PRKAB1: variants seen among roughly 807,000 people sequenced by gnomAD.
PRKAB1 encodes the protein 5'-AMP-activated protein kinase subunit beta-1.
PRKAB1 carries 18 observed loss-of-function variants against 32.0 expected under a neutral mutation model. The observed-to-expected ratio is 0.56, with a 90% CI of 0.39 to 0.83. The LOEUF (loss-of-function observed/expected upper bound fraction) is 0.83, where lower values mean the gene tolerates loss of function less well. PRKAB1 is among the 40% of genes least tolerant of loss of function. The pLI, the probability that PRKAB1 is intolerant of heterozygous loss-of-function variation, is 0.00. For missense variants in PRKAB1, 263 were observed against 352.6 expected, an observed-to-expected ratio of 0.75 and a Z score of 2.03; for synonymous variants, 141 against 141.4, an observed-to-expected ratio of 1.00 and a Z score of 0.02.
chr12:119,675,652 C>A (rs1170940757), intron 4 of PRKAB1, among the ~76,000 whole-genome samples: 1 of 152,214 alleles, frequency 6.6e-6, no homozygotes, highest in Non-Finnish European at 1.5e-5. Context: ...CTTACTTCCT[C>A]AAAATGTTAT....
Position 119,674,371 on chromosome 12 carries a change from A to C in PRKAB1, c.449A>C (p.Asn150Thr), listed in dbSNP as rs1353581988. 7 of 1,614,142 alleles carry C rather than the reference A, an allele frequency of 4.3e-6. No homozygotes were observed. Among genetic ancestry groups the C allele is most frequent in the Non-Finnish European group, 8.5e-7 (1 of 1,179,946 alleles). ...PIVTSQLGTVNNIIQVKKTDF... is the reference protein window; with the variant it reads ...PIVTSQLGTVTNIIQVKKTDF... Reference sequence around the variant, plus strand: ...GTAACCAGCCAGCTTGGCACAGTTAACAACATCATTCAAGTGAAGAAAACT... The same window carrying C: ...GTAACCAGCCAGCTTGGCACAGTTACCAACATCATTCAAGTGAAGAAAACT... Residue 150 changes from asparagine to threonine, a missense_variant, in exon 4 of 7, where the codon AAC becomes ACC. Physicochemically the swap from Asn to Thr is moderately conservative, Grantham distance 65. Transcript: ENST00000229328. The surrounding 1 kb of genome is among the most constrained non-coding windows in gnomAD (Gnocchi z 4.3).
At position 119,674,369 on chromosome 12, in the gene PRKAB1, TAAC is replaced by T. The variant is rs776021618; in HGVS notation, c.452_454del (p.Asn151del). On this transcript the variant is annotated inframe_deletion, in exon 4 of 7. Transcript: ENST00000229328. The surrounding 1 kb of genome is among the most constrained non-coding windows in gnomAD (Gnocchi z 4.3). ...TAGTAACCAGCCAGCTTGGCACAGT[TAAC>T]AACATCATTCAAGTGAAGAAAACTG... 1.8e-5 allele frequency: 29 copies of T among 1,614,046 alleles called. No individual in the cohort carries two copies. Among genetic ancestry groups the T allele is most frequent in the Non-Finnish European group, 2.3e-5 (27 of 1,179,988 alleles).
chr12:119,680,220 C>G, intron 6 of PRKAB1, 28 bp from the exon 7 acceptor site: 1 of 1,607,518 alleles, frequency 6.2e-7, no homozygotes, highest in Non-Finnish European at 8.5e-7. Flanking sequence ...TTAGTCCAGC[C>G]TTTGATCATT....
intron 5 of PRKAB1, chr12:119,677,768 T>G (rs1955436037): frequency 6.9e-6 from 1 of 144,678 alleles, no homozygotes; most frequent in African/African-American, 2.6e-5. Context: ...TTTGTTTTTT[T>G]TTTTTTTTTT....
upstream of PRKAB1, chr12:119,668,085 C>G (rs1346338783): frequency 1.1e-6 from 1 of 923,338 alleles, no homozygotes; most frequent in Admixed American, 4.1e-5. Context: ...CCTGCCGACT[C>G]AGCCGGAACC....
At chr12:119,678,309 TCA>T (rs770058275) in intron 5 of PRKAB1, 5 of 152,236 alleles carry the variant, frequency 3.3e-5, no homozygotes, top group Admixed American at 6.5e-5. Flanking sequence ...TATTCAAGCC[TCA>T]CAACAACCAT....
chr12:119,676,726 T>G (rs1662989083), intron 5 of PRKAB1, 56 bp downstream of exon 5: 5 of 1,581,880 alleles, frequency 3.2e-6, no homozygotes, highest in Non-Finnish European at 4.3e-6. Context: ...TCAGTTGCTT[T>G]CTTTCCTGTG....
At chr12:119,673,692 C>T (rs1213877616) in intron 2 of PRKAB1, 1 of 306,150 alleles carries the variant, frequency 3.3e-6, no homozygotes, top group Non-Finnish European at 6.0e-6. Context: ...CGCACAAATG[C>T]CTGACTGTTG....
chr12:119,679,194 G>A lies in PRKAB1; in HGVS notation c.667-739G>A, dbSNP rs914870509. On this transcript the variant is annotated intron_variant, in intron 5 of 6. Transcript: ENST00000229328. The surrounding 1 kb of genome is among the most constrained non-coding windows in gnomAD (Gnocchi z 4.1). The stretch of plus-strand genomic sequence containing the variant: ...CACACAGCAACTGGCTGAGCCAGCA[G>A]TCACATCAGGCTTGGCTGGTGCCAG... 2.0e-5 allele frequency: 3 copies of A among 152,204 alleles called. No homozygotes were observed. Among genetic ancestry groups the A allele is most frequent in the African/African-American group, 7.2e-5 (3 of 41,446 alleles). The allele number at this position is 152,204 out of a possible 1,614,324, so 9.4% of individuals were successfully genotyped here.
intron 5 of PRKAB1, 80 bp downstream of exon 5, chr12:119,676,750 AAGCAGCTGGTG>A: frequency 6.6e-7 from 1 of 1,523,866 alleles, no homozygotes; most frequent in African/African-American, 1.4e-5. Flanking sequence ...ACCTCTTGCA[AAGCAGCTGGTG>A]AGCAAGCTCA....
intron 1 of PRKAB1, chr12:119,670,031 C>G (rs1193624240): frequency 1.3e-5 from 2 of 152,226 alleles, no homozygotes; most frequent in Non-Finnish European, 2.9e-5. Flanking sequence ...CAGGCCAGTG[C>G]AAACATTTTT....
rs1488579157 is a variant in PRKAB1, at chr12:119,674,484, C to T, written c.532+30C>T. The stretch of plus-strand genomic sequence containing the variant: ...GAACACAGTTATTTTATACCACATG[C>T]GTGCAGGTGGGGGCTGTACAGTCTA... On this transcript the variant is annotated intron_variant, in intron 4 of 6. Coordinates refer to ENST00000229328, the MANE Select transcript of PRKAB1 (RefSeq NM_006253.5). This position sits in a 1 kb window ranked among gnomAD's most constrained non-coding sequence, Gnocchi z 4.3. 5.3e-6 allele frequency: 8 copies of T among 1,504,710 alleles called. No homozygotes were observed. The highest frequency in any genetic ancestry group is 2.3e-5 in the South Asian group (2 of 88,288). 93.2% of individuals were successfully genotyped at this position (1,504,710 alleles called of 1,614,324 possible). A position where few individuals can be genotyped will look rare whatever the true frequency, so the allele number is the denominator to read the frequency against.
intron 1 of PRKAB1, among the ~76,000 whole-genome samples, chr12:119,670,660 T>G (rs890478807): frequency 6.6e-6 from 1 of 152,232 alleles, no homozygotes; most frequent in Non-Finnish European, 1.5e-5. Flanking sequence ...CCAGGAAATG[T>G]TGAGCACACA....
chr12:119,668,068 C>G (rs1565874184), upstream of PRKAB1: 5 of 760,442 alleles, frequency 6.6e-6, no homozygotes, highest in Non-Finnish European at 9.7e-6. Flanking sequence ...TGCGAGAGCT[C>G]GGCAACCCTG....
Position 119,680,186 on chromosome 12 carries a change from C to G in PRKAB1, c.736-62C>G. ...GTTTTATGAAGCCCTTAATGATTCT[C>G]ATGTCCTCTGAGGCTTGAGCCCCTT... is the stretch of plus-strand genomic sequence containing the variant. On this transcript the variant is annotated intron_variant, in intron 6 of 6. Transcript: ENST00000229328. 10 of 1,550,440 alleles carry G rather than the reference C, an allele frequency of 6.4e-6. No individual in the cohort carries two copies. The South Asian group carries it at 9.0e-5, about 14-fold the overall frequency.
chr12:119,674,328 G>C lies in PRKAB1; in HGVS notation c.418-12G>C. The C allele has an allele frequency of 6.3e-7, 1 of 1,586,642 alleles. No individual in the cohort carries two copies. Among genetic ancestry groups the C allele is most frequent in the Non-Finnish European group, 8.7e-7 (1 of 1,155,390 alleles). ...TCCACGTTATGATTTCTGCCTATCTGTCTCTTCCCAGCCCATAGTAACCAG... is the reference window on the plus strand; with the variant it reads ...TCCACGTTATGATTTCTGCCTATCTCTCTCTTCCCAGCCCATAGTAACCAG... On this transcript the variant is annotated splice_polypyrimidine_tract_variant and intron_variant, in intron 3 of 6. Transcript: ENST00000229328. The surrounding 1 kb of genome is among the most constrained non-coding windows in gnomAD (Gnocchi z 4.3).
At chr12:119,675,780 GAGCTGGGGCAT>G (rs1955419898) in intron 4 of PRKAB1, among the ~76,000 whole-genome samples, 1 of 152,224 alleles carries the variant, frequency 6.6e-6, no homozygotes, top group African/African-American at 2.4e-5. Flanking sequence ...GGAATTGGCA[GAGCTGGGGCAT>G]AGCAGATTTT....
upstream of PRKAB1, chr12:119,668,038 C>T (rs375269404): frequency 6.8e-5 from 39 of 574,262 alleles, 1 homozygote; most frequent in Admixed American, 1.3e-4. Context: ...CGCGGCTTGC[C>T]TGGGCAGGTA....
Position 119,674,605 on chromosome 12 carries a change from T to C in PRKAB1, c.532+151T>C, listed in dbSNP as rs1054559560. 3.5e-6 allele frequency: 2 copies of C among 570,214 alleles called. No individual in the cohort carries two copies. The highest frequency in any genetic ancestry group is 6.7e-5 in the Admixed American group (2 of 29,796). The allele number at this position is 570,214 out of a possible 1,614,324, so 35.3% of individuals were successfully genotyped here. On this transcript the variant is annotated intron_variant, in intron 4 of 6. Transcript: ENST00000229328. This position sits in a 1 kb window ranked among gnomAD's most constrained non-coding sequence, Gnocchi z 4.3. ...CTTAAAGGCCACAGAACTTAATTCCTGTCAGGTTGTTGAAATTTAGCCCTA... is the reference window on the plus strand; with the variant it reads ...CTTAAAGGCCACAGAACTTAATTCCCGTCAGGTTGTTGAAATTTAGCCCTA...
Sources: allele counts gnomAD v4.1 joint callset (sites outside exome capture counted in the v4.1 genomes callset), GRCh38; gene constraint gnomAD v4.1.1; non-coding constraint Gnocchi (gnomAD v3.1); transcripts MANE v1.5; gene names NCBI Gene and HGNC (gene_info 2026-07-23, HGNC 2026-07-21).